Variants in MED13 observed in about 807,000 individuals in gnomAD.
MED13 encodes mediator complex subunit 13.
MED13 carries 23 observed loss-of-function variants against 225.2 expected under a neutral mutation model. That is an observed-to-expected ratio of 0.10 (90% CI 0.07 to 0.14). The LOEUF is 0.14. MED13 is among the 10% of genes least tolerant of loss of function. The pLI, the probability that MED13 is intolerant of heterozygous loss-of-function variation, is 1.00. For missense variants in MED13, 2,197 were observed against 2,594.5 expected (o/e 0.85, Z 3.33); for synonymous variants, 942 against 889.2 (o/e 1.06, Z -1.06).
In MED13 at chr17:61,992,611, C is replaced by T. The variant is rs763854436; in HGVS notation, c.2192G>A (p.Gly731Glu). 6.2e-7 allele frequency: 1 copy of T among 1,602,924 alleles called. No individual in the cohort carries two copies. The highest frequency in any genetic ancestry group is 1.1e-5 in the South Asian group (1 of 90,302). ...EAGKKHKVED[G>E]TSSVTVLSHE... ...TGATAACACTGTTACACTAGATGTC[C>T]CATCTTCTACCTGCAAACAAATATT... The change falls in exon 11 of 30, where the codon GGG (glycine) becomes GAG (glutamate). Residue 731 changes from glycine (G) to glutamate (E), a missense_variant. Transcript: ENST00000397786.
chr17:61,954,185 T>A (rs1455916185), intron 26 of MED13, among the ~76,000 whole-genome samples: 1 of 152,094 alleles, frequency 6.6e-6, no homozygotes, highest in East Asian at 1.9e-4. Flanking sequence ...AATATTCGAG[T>A]TATTATATAA....
chr17:61,984,481 A>G (rs2080231678), intron 14 of MED13, 114 bp from the exon 15 acceptor site: 9 of 976,298 alleles, frequency 9.2e-6, no homozygotes, highest in African/African-American at 1.7e-5. Flanking sequence ...AAATCTAAAT[A>G]CAATTCTATT....
At chr17:62,053,555 A>G (rs1242698020) in intron 2 of MED13, among the ~76,000 whole-genome samples, 1 of 152,188 alleles carries the variant, frequency 6.6e-6, no homozygotes, top group African/African-American at 2.4e-5. Flanking sequence ...GCATCCAACA[A>G]ATCGTGCTAC....
chr17:61,976,662 C>A (rs546161199), intron 16 of MED13, among the ~76,000 whole-genome samples: 27 of 152,094 alleles, frequency 1.8e-4, no homozygotes, highest in Non-Finnish European at 2.8e-4. Context: ...TGGCTGGGTG[C>A]GGTGGCTCAC....
chr17:61,984,514 T>C (rs1408661807), intron 14 of MED13, 137 bp downstream of exon 14: 4 of 936,570 alleles, frequency 4.3e-6, no homozygotes, highest in Non-Finnish European at 6.3e-6. Flanking sequence ...GCATTCTTAA[T>C]AGTGACAACA....
chr17:61,952,283 T>C (rs1394242309), intron 27 of MED13, among the ~76,000 whole-genome samples: 1 of 152,196 alleles, frequency 6.6e-6, no homozygotes, highest in Non-Finnish European at 1.5e-5. Context: ...CCTGCTTCCA[T>C]AACTGCTAAA....
intron 8 of MED13, among the ~76,000 whole-genome samples, chr17:62,026,157 T>G (rs536773637): frequency 7.2e-5 from 11 of 152,348 alleles, no homozygotes; most frequent in Admixed American, 5.9e-4. Context: ...CTATGATCTA[T>G]GTTTAATCTG....
intron 2 of MED13, among the ~76,000 whole-genome samples, chr17:62,062,208 T>C (rs1479770871): frequency 3.3e-5 from 5 of 152,206 alleles, no homozygotes; most frequent in Admixed American, 6.5e-5. Flanking sequence ...ACTGAAGTCT[T>C]TGGAACCTTA....
intron 23 of MED13, among the ~76,000 whole-genome samples, chr17:61,958,315 G>A (rs966010537): frequency 1.3e-5 from 2 of 151,958 alleles, no homozygotes; most frequent in Middle Eastern, 3.2e-3. Context: ...CTACAGGCGC[G>A]TGCGACCACA....
intron 8 of MED13, among the ~76,000 whole-genome samples, chr17:62,015,571 T>A (rs955009209): frequency 2.0e-5 from 3 of 151,702 alleles, no homozygotes; most frequent in Non-Finnish European, 4.4e-5. Flanking sequence ...GTTTGAACTT[T>A]TAATTTTATT....
At chr17:62,003,466 G>A (rs2080414896) in intron 9 of MED13, among the ~76,000 whole-genome samples, 3 of 152,046 alleles carry the variant, frequency 2.0e-5, no homozygotes, top group Admixed American at 1.3e-4. Flanking sequence ...TTAGTCAGGC[G>A]TGATGGTGCA....
intron 27 of MED13, among the ~76,000 whole-genome samples, 181 bp downstream of exon 27, chr17:61,952,784 G>A (rs912166316): frequency 3.3e-5 from 5 of 152,076 alleles, no homozygotes; most frequent in South Asian, 2.1e-4. Flanking sequence ...CTACAGGTGC[G>A]TGCCACCTTA....
intron 8 of MED13, among the ~76,000 whole-genome samples, chr17:62,012,432 C>T (rs567588784): frequency 6.7e-6 from 1 of 149,340 alleles, no homozygotes; most frequent in Non-Finnish European, 1.5e-5. Context: ...GGGGTTCAAG[C>T]GATTCTCCTG....
intron 28 of MED13, 149 bp from the exon 29 acceptor site, chr17:61,947,166 T>A (rs970627244): frequency 1.8e-6 from 1 of 552,564 alleles, no homozygotes; most frequent in Non-Finnish European, 3.2e-6. Flanking sequence ...AAATGCTTGT[T>A]CTCTTTTAAC....
At chr17:61,958,193 A>G (rs945171675) in intron 23 of MED13, among the ~76,000 whole-genome samples, 4 of 151,084 alleles carry the variant, frequency 2.6e-5, no homozygotes. Context: ...TTTGACACGG[A>G]GTCTAACTCT....
At chr17:62,047,060 G>A (rs1024192012) in intron 3 of MED13, among the ~76,000 whole-genome samples, 6 of 150,578 alleles carry the variant, frequency 4.0e-5, no homozygotes, top group Admixed American at 4.0e-4. Context: ...AGAGACGGGG[G>A]TCTGCAGCCA....
chr17:62,059,571 G>T (rs1404552808), intron 2 of MED13, among the ~76,000 whole-genome samples: 1 of 152,146 alleles, frequency 6.6e-6, no homozygotes, highest in East Asian at 1.9e-4. Flanking sequence ...TTGGAACTCA[G>T]GACTGCCTCC....
intron 11 of MED13, among the ~76,000 whole-genome samples, chr17:61,988,917 T>C (rs532446369): frequency 5.0e-4 from 76 of 152,116 alleles, no homozygotes; most frequent in Non-Finnish European, 8.8e-4. Flanking sequence ...TTGAACTTAT[T>C]CCTCCCAACT....
chr17:62,059,708 T>C lies in MED13; in HGVS notation c.301+3359A>G, dbSNP rs565392936. On this transcript the variant is annotated intron_variant, in intron 2 of 29. Transcript: ENST00000397786. The stretch of plus-strand genomic sequence containing the variant: ...GCTAGAGAGACAGAGGCAGACTAAT[T>C]ACCCCAAGAGGGAGGTAGACGCTGT... Among the ~76,000 whole-genome samples, 3 of 152,248 alleles carry C rather than the reference T, an allele frequency of 2.0e-5. No individual in the cohort carries two copies. The East Asian group carries it at 5.8e-4, about 29-fold the overall frequency.
Sources: allele counts gnomAD v4.1 joint callset (sites outside exome capture counted in the v4.1 genomes callset), GRCh38; gene constraint gnomAD v4.1.1; transcripts MANE v1.5; gene names NCBI Gene and HGNC (gene_info 2026-07-23, HGNC 2026-07-21).